Variants in SGCD observed in about 807,000 individuals in gnomAD.
The protein encoded by SGCD is delta-sarcoglycan.
In SGCD, 18 loss-of-function variants were observed where a neutral mutation model predicts 36.6. The observed-to-expected ratio is 0.49, with a 90% CI of 0.34 to 0.73. SGCD has a LOEUF of 0.73. Among genes scored for constraint, SGCD ranks in the 30% least tolerant of loss-of-function variants. SGCD has a pLI of 0.01. For missense variants in SGCD, 387 were observed against 346.7 expected (o/e 1.12, Z -0.92); for synonymous variants, 133 against 130.6 (o/e 1.02, Z -0.12).
chr5:155,769,592 C>G, the SGCD span, among the ~76,000 whole-genome samples: 2 of 152,082 alleles, frequency 1.3e-5, no homozygotes, highest in East Asian at 3.9e-4. Context: ...AACTCAAAAT[C>G]TTCTCTCTTC....
chr5:156,588,529 C>A lies in SGCD; in HGVS notation c.295-702C>A, dbSNP rs554204253. Among the ~76,000 whole-genome samples, 3 of 152,224 alleles carry A rather than the reference C, an allele frequency of 2.0e-5. No individual in the cohort carries two copies. In the South Asian group the frequency reaches 6.2e-4, roughly 32 times the overall value. On this transcript the variant is annotated intron_variant, in intron 4 of 8. Coordinates refer to ENST00000337851, the MANE Select transcript of SGCD (RefSeq NM_000337.6). ...CTCAAGACTTTCAATAAAAAGTGTGCCAAGCCCTATTCTGAGTCATGCCCA... is the reference window on the plus strand; with the variant it reads ...CTCAAGACTTTCAATAAAAAGTGTGACAAGCCCTATTCTGAGTCATGCCCA...
the SGCD span, among the ~76,000 whole-genome samples, chr5:155,813,676 G>A: frequency 6.6e-6 from 1 of 152,132 alleles, no homozygotes; most frequent in Non-Finnish European, 1.5e-5. Context: ...ATTTGCTTAG[G>A]ATTTGATGGT....
At chr5:156,591,774 C>T (rs1425352798) in intron 5 of SGCD, among the ~76,000 whole-genome samples, 1 of 152,138 alleles carries the variant, frequency 6.6e-6, no homozygotes, top group Non-Finnish European at 1.5e-5. Flanking sequence ...ATGTGACCTC[C>T]TGAGCTGTCT....
chr5:156,333,525 T>TA (rs1337965526), intron 2 of SGCD, among the ~76,000 whole-genome samples: 1 of 152,160 alleles, frequency 6.6e-6, no homozygotes, highest in Non-Finnish European at 1.5e-5. Flanking sequence ...GCATTTAATA[T>TA]AAGAAATGAG....
At chr5:155,979,474 T>A (rs1338405417) in intron 1 of SGCD, among the ~76,000 whole-genome samples, 2 of 152,148 alleles carry the variant, frequency 1.3e-5, no homozygotes, top group Non-Finnish European at 2.9e-5. Context: ...ATGCAAGACT[T>A]CTATTAAGAA....
At chr5:156,485,464 C>A (rs2312184) in intron 3 of SGCD, among the ~76,000 whole-genome samples, 122,079 of 151,938 alleles carry the variant, frequency 0.8, 49,703 homozygotes, top group African/African-American at 0.95. Flanking sequence ...GGAGTTCAAG[C>A]CCAGCCTGGC....
At chr5:156,335,427 C>T (rs945782437) in intron 2 of SGCD, among the ~76,000 whole-genome samples, 6 of 152,162 alleles carry the variant, frequency 3.9e-5, no homozygotes, top group African/African-American at 7.2e-5. Flanking sequence ...CATGTCTGCT[C>T]TATGTCTATG....
chr5:156,096,336 G>A (rs533150069), intron 1 of SGCD, among the ~76,000 whole-genome samples: 3 of 152,368 alleles, frequency 2.0e-5, no homozygotes, highest in South Asian at 4.1e-4. Flanking sequence ...GGGATGAAAT[G>A]TGGTGGAAGG....
chr5:156,444,039 C>T (rs891009871), intron 3 of SGCD, among the ~76,000 whole-genome samples: 3 of 149,636 alleles, frequency 2.0e-5, no homozygotes, highest in African/African-American at 7.5e-5. Context: ...GACATCCCAG[C>T]ACGCTTTGGA....
chr5:156,677,068 G>C (rs1487298474), intron 7 of SGCD, among the ~76,000 whole-genome samples: 1 of 152,124 alleles, frequency 6.6e-6, no homozygotes, highest in Non-Finnish European at 1.5e-5. Context: ...TTGGGAGAAG[G>C]CTCTGTAATC....
intron 3 of SGCD, among the ~76,000 whole-genome samples, chr5:156,474,815 G>C (rs928687744): frequency 6.6e-6 from 1 of 152,116 alleles, no homozygotes; most frequent in African/African-American, 2.4e-5. Context: ...ATTAGGATGG[G>C]ATTAACTTGA....
chr5:156,278,597 CTG>C (rs1766376797), intron 3 of SGCD, among the ~76,000 whole-genome samples: 1 of 152,164 alleles, frequency 6.6e-6, no homozygotes, highest in Non-Finnish European at 1.5e-5. Flanking sequence ...ACTCAAGTCA[CTG>C]TGATTTTAGT....
chr5:156,168,137 T>C (rs1314906052), intron 3 of SGCD, among the ~76,000 whole-genome samples: 3 of 152,198 alleles, frequency 2.0e-5, no homozygotes, highest in Non-Finnish European at 4.4e-5. Context: ...AAATATCAAA[T>C]GATCACTTAG....
At position 156,338,649 on chromosome 5, in the gene SGCD, C is replaced by T. The variant is rs556355192; in HGVS notation, c.4-5840C>T. 2.0e-5 allele frequency among the ~76,000 whole-genome samples: 3 copies of T among 152,100 alleles called. No homozygotes were observed. In the South Asian group the frequency reaches 6.2e-4, roughly 32 times the overall value. Reference sequence around the variant, plus strand: ...TTAATTAGATGGACAATGGCTAGGTCCAGGTATCATGTAGGTTGGGCCTGG... The same window carrying T: ...TTAATTAGATGGACAATGGCTAGGTTCAGGTATCATGTAGGTTGGGCCTGG... On this transcript the variant is annotated intron_variant, in intron 2 of 8. Coordinates refer to ENST00000337851, the MANE Select transcript of SGCD (RefSeq NM_000337.6).
At chr5:156,608,023 T>C (rs1761565831) in intron 6 of SGCD, among the ~76,000 whole-genome samples, 1 of 152,148 alleles carries the variant, frequency 6.6e-6, no homozygotes, top group African/African-American at 2.4e-5. Flanking sequence ...TTTTGAAGGG[T>C]TTTTGGTGTC....
intron 3 of SGCD, among the ~76,000 whole-genome samples, chr5:156,203,813 G>A (rs1764207037): frequency 1.3e-5 from 2 of 152,072 alleles, no homozygotes; most frequent in Non-Finnish European, 1.5e-5. Flanking sequence ...CAGGATCTAG[G>A]CAGTGCTCCA....
intron 7 of SGCD, among the ~76,000 whole-genome samples, chr5:156,670,653 G>A (rs1019259011): frequency 6.6e-6 from 1 of 152,168 alleles, no homozygotes; most frequent in Non-Finnish European, 1.5e-5. Flanking sequence ...GAACCAGAAA[G>A]TACATTTTTT....
chr5:155,771,802 T>A, the SGCD span, among the ~76,000 whole-genome samples: 1 of 152,222 alleles, frequency 6.6e-6, no homozygotes, highest in South Asian at 2.1e-4. Context: ...TCCTCCAGTC[T>A]TAGCCTCCCA....
intron 1 of SGCD, among the ~76,000 whole-genome samples, chr5:156,091,658 A>G (rs1406515888): frequency 3.9e-5 from 6 of 152,248 alleles, no homozygotes; most frequent in African/African-American, 1.2e-4. Flanking sequence ...GTTGGGTTCC[A>G]TGGCTGGAAA....
Sources: gnomAD v4.1 joint callset for allele counts (sites outside exome capture counted in the v4.1 genomes callset) on GRCh38, gnomAD v4.1.1 for gene constraint, MANE v1.5 for transcripts, NCBI Gene and HGNC (gene_info 2026-07-23, HGNC 2026-07-21) for gene names.